The following MYL9 variants were observed in gnomAD, a reference collection of about 807,000 sequenced individuals.
MYL9 encodes myosin regulatory light polypeptide 9.
Under a neutral mutation model 12.8 loss-of-function variants are expected in MYL9, and 7 were observed. The ratio of observed to expected loss-of-function variants is 0.55; its 90% confidence interval spans 0.31 to 1.03. The LOEUF is 1.03. Ranked by LOEUF, MYL9 falls within the 50% of genes least tolerant of loss-of-function variation. MYL9 has a pLI of 0.05. For synonymous variants in MYL9, 81 were observed against 87.8 expected, an observed-to-expected ratio of 0.92 and a Z score of 0.43; for missense variants, 190 against 242.7, an observed-to-expected ratio of 0.78 and a Z score of 1.44.
At chr20:36,548,391 C>T (rs2038128422) in intron 3 of MYL9, among the ~76,000 whole-genome samples, 198 bp downstream of exon 3, 2 of 152,234 alleles carry the variant, frequency 1.3e-5, no homozygotes, top group Admixed American at 1.3e-4. Context: ...CTCCTGCCTT[C>T]GTGATCTCCC....
intron 2 of MYL9, among the ~76,000 whole-genome samples, 173 bp from the exon 3 acceptor site, chr20:36,547,859 C>T (rs1373975071): frequency 1.3e-5 from 2 of 152,174 alleles, no homozygotes; most frequent in Non-Finnish European, 2.9e-5. Context: ...CCAGGGACTC[C>T]GGGCGCCCAC....
At chr20:36,546,632 C>A (rs1006424013) in intron 2 of MYL9, among the ~76,000 whole-genome samples, 1 of 151,806 alleles carries the variant, frequency 6.6e-6, no homozygotes, top group Admixed American at 6.6e-5. Context: ...TTTTTCCCCC[C>A]GAGACAAAAT....
rs755044998 is a variant in MYL9, at chr20:36,550,141, G to C, written c.*892G>C. ...TCCCGTGGAGGGTTCCAGGCCTCTTGGGGGGCAGAGGTCAGGCCACACAGC... is the reference window on the plus strand; with the variant it reads ...TCCCGTGGAGGGTTCCAGGCCTCTTCGGGGGCAGAGGTCAGGCCACACAGC... On this transcript the variant is annotated 3_prime_UTR_variant, in exon 4 of 4. Transcript: ENST00000279022. 24 of 152,434 alleles carry C rather than the reference G, an allele frequency of 1.6e-4. No individual in the cohort carries two copies. The highest frequency in any genetic ancestry group is 3.1e-4 in the Non-Finnish European group (21 of 68,254). The allele number at this position is 152,434 out of a possible 1,614,324, so 9.4% of individuals were successfully genotyped here.
chr20:36,546,754 C>T (rs1186762325), intron 2 of MYL9, among the ~76,000 whole-genome samples: 2 of 152,092 alleles, frequency 1.3e-5, no homozygotes, highest in Admixed American at 1.3e-4. Context: ...GGATTACAGA[C>T]GTGCGCCACC....
At position 36,549,292 on chromosome 20, in the gene MYL9, C is replaced by T. The variant is rs11553088; in HGVS notation, c.*43C>T. ...ACACCCCAGCCCCCGCCAGTCACCC[C>T]TCCCCGCACACACCCGTCCATACCA... is the stretch of plus-strand genomic sequence containing the variant. On this transcript the variant is annotated 3_prime_UTR_variant, in exon 4 of 4. Coordinates refer to ENST00000279022, the MANE Select transcript of MYL9 (RefSeq NM_006097.5). 6.7e-7 allele frequency: 1 copy of T among 1,487,240 alleles called. No individual in the cohort carries two copies. The highest frequency in any genetic ancestry group is 2.4e-5 in the East Asian group (1 of 41,348). The allele number at this position is 1,487,240 out of a possible 1,614,324, so 92.1% of individuals were successfully genotyped here. A position where few individuals can be genotyped will look rare whatever the true frequency, so the allele number is the denominator to read the frequency against.
At chr20:36,547,900 A>G in intron 2 of MYL9, 132 bp from the exon 3 acceptor site, 1 of 1,133,866 alleles carries the variant, frequency 8.8e-7, no homozygotes, top group Non-Finnish European at 1.2e-6. Flanking sequence ...CATGCTTTCC[A>G]GTTCACAAAA....
At position 36,550,949 on chromosome 20, in the gene MYL9, G is replaced by C. The variant is rs1171361511; in HGVS notation, c.*1700G>C. 1 of 152,554 alleles carries C rather than the reference G, an allele frequency of 6.6e-6. No homozygotes were observed. The highest frequency in any genetic ancestry group is 1.5e-5 in the Non-Finnish European group (1 of 68,346). The allele number at this position is 152,554 out of a possible 1,614,324, so 9.5% of individuals were successfully genotyped here. On this transcript the variant is annotated 3_prime_UTR_variant, in exon 4 of 4. Transcript: ENST00000279022. ...CGATGCTGCCAGCCCCAAGGGTGTG[G>C]GAGGGGGGTCTCAGAGTGTCCCAGG...
intron 1 of MYL9, among the ~76,000 whole-genome samples, chr20:36,542,109 T>C (rs527581239): frequency 6.6e-6 from 1 of 152,010 alleles, no homozygotes; most frequent in South Asian, 2.1e-4. Flanking sequence ...CAGTGCTGTA[T>C]GCAGGGACCC....
intron 2 of MYL9, among the ~76,000 whole-genome samples, chr20:36,547,739 G>A (rs556117964): frequency 5.4e-4 from 82 of 152,320 alleles, no homozygotes; most frequent in African/African-American, 1.8e-3. Context: ...AATAAGGCAC[G>A]TGGTCGACCA....
At chr20:36,544,148 C>G (rs1371666572) in intron 1 of MYL9, among the ~76,000 whole-genome samples, 1 of 152,150 alleles carries the variant, frequency 6.6e-6, no homozygotes, top group Non-Finnish European at 1.5e-5. Context: ...CCAAGCAAGC[C>G]TCACACCCCG....
chr20:36,541,662 G>A (rs141899833), intron 1 of MYL9, 101 bp downstream of exon 1: 1 of 152,598 alleles, frequency 6.6e-6, no homozygotes, highest in Non-Finnish European at 1.5e-5. Context: ...GGGGGGCAAA[G>A]GCGGGCCCCA....
At chr20:36,548,975 C>T (rs1440612101) in intron 3 of MYL9, 102 bp from the exon 4 acceptor site, 3 of 1,185,654 alleles carry the variant, frequency 2.5e-6, no homozygotes, top group East Asian at 4.9e-5. Flanking sequence ...ATCTTCCCAG[C>T]CCCTCTAGGT....
chr20:36,545,361 G>A (rs560063924), intron 2 of MYL9, among the ~76,000 whole-genome samples: 6 of 152,072 alleles, frequency 3.9e-5, no homozygotes, highest in African/African-American at 1.4e-4. Context: ...GCCGAGCGTG[G>A]TGGCGGGCGC....
At chr20:36,548,999 CA>C (rs2038137234) in intron 3 of MYL9, 77 bp from the exon 4 acceptor site, 2 of 1,429,074 alleles carry the variant, frequency 1.4e-6, no homozygotes, top group Non-Finnish European at 1.9e-6. Context: ...CAAGAGCTGC[CA>C]GGGGGCTGAG....
In MYL9 at chr20:36,548,071, G is replaced by A; in HGVS notation, c.224G>A (p.Ser75Asn). The A allele has an allele frequency of 6.2e-7, 1 of 1,613,608 alleles. No homozygotes were observed. Among genetic ancestry groups the A allele is most frequent in the Non-Finnish European group, 8.5e-7 (1 of 1,179,704 alleles). Residue 75 changes from serine to asparagine, a missense_variant, in exon 3 of 4, where the codon AGC becomes AAC. Coordinates refer to ENST00000279022, the MANE Select transcript of MYL9 (RefSeq NM_006097.5). ...PTDEYLEGMMSEAPGPINFTM... is the reference protein window; with the variant it reads ...PTDEYLEGMMNEAPGPINFTM... ...GACGAATACCTGGAGGGCATGATGA[G>A]CGAGGCCCCGGGGCCCATCAACTTC...
intron 1 of MYL9, among the ~76,000 whole-genome samples, chr20:36,543,804 G>A (rs892264265): frequency 9.9e-5 from 15 of 152,164 alleles, no homozygotes; most frequent in African/African-American, 2.9e-4. Flanking sequence ...GGAGAGGGGG[G>A]CGGTCTCAAG....
Position 36,545,190 on chromosome 20 carries a change from A to G in MYL9, c.184+122A>G, listed in dbSNP as rs1195950811. 4 of 1,169,876 alleles carry G rather than the reference A, an allele frequency of 3.4e-6. No homozygotes were observed. The East Asian group carries it at 9.9e-5, about 29-fold the overall frequency. 72.5% of individuals were successfully genotyped at this position (1,169,876 alleles called of 1,614,324 possible). A position where few individuals can be genotyped will look rare whatever the true frequency, so the allele number is the denominator to read the frequency against. On this transcript the variant is annotated intron_variant, in intron 2 of 3. Transcript: ENST00000279022. ...CCACCTTAGAGAATAGTTGCCATTA[A>G]CTTAGTCCATTCAACAGGGAAACTG...
chr20:36,548,288 C>T, intron 3 of MYL9, 95 bp downstream of exon 3: 1 of 1,436,458 alleles, frequency 7.0e-7, no homozygotes, highest in South Asian at 1.4e-5. Context: ...AGACATCACC[C>T]ATCTCCCAGG....
At position 36,544,935 on chromosome 20, in the gene MYL9, G is replaced by C. The variant is rs1454031574; in HGVS notation, c.51G>C (p.Arg17=). The C allele has an allele frequency of 6.2e-7, 1 of 1,613,872 alleles. No homozygotes were observed. The part of the protein sequence containing the change: ...KAKTTKKRPQ[R]ATSNVFAMFD... ...AGACCACCAAGAAGCGGCCACAGCG[G>C]GCCACATCCAATGTCTTCGCAATGT... is the stretch of plus-strand genomic sequence containing the variant. Residue 17 remains arginine (R), a synonymous_variant, in exon 2 of 4, where the codon CGG becomes CGC. Coordinates refer to ENST00000279022, the MANE Select transcript of MYL9 (RefSeq NM_006097.5).
Sources: allele counts gnomAD v4.1 joint callset (sites outside exome capture counted in the v4.1 genomes callset), GRCh38; gene constraint gnomAD v4.1.1; transcripts MANE v1.5; gene names NCBI Gene and HGNC (gene_info 2026-07-23, HGNC 2026-07-21).